The following ASTN2 variants were observed in gnomAD, a reference collection of about 807,000 sequenced individuals.
The protein encoded by ASTN2 is astrotactin-2.
In ASTN2, 54 loss-of-function variants were observed where a neutral mutation model predicts 139.8. The observed-to-expected ratio is 0.39, with a 90% CI of 0.31 to 0.48. The LOEUF (loss-of-function observed/expected upper bound fraction) is 0.48. ASTN2 is among the 20% of genes least tolerant of loss of function. The probability of loss-of-function intolerance (pLI) is 0.95; values close to 1 mark genes in which losing one functional copy is unlikely to be tolerated. For synonymous variants in ASTN2, 756 were observed against 719.5 expected (o/e 1.05, Z -0.81); for missense variants, 1,565 against 1,725.1 (o/e 0.91, Z 1.64).
intron 3 of ASTN2, among the ~76,000 whole-genome samples, chr9:117,198,439 T>G (rs759362590): frequency 6.6e-6 from 1 of 151,526 alleles, no homozygotes; most frequent in African/African-American, 2.4e-5. Flanking sequence ...TACTTTAAGT[T>G]CTGGGATACA....
At chr9:117,299,705 T>C (rs1465437730) in intron 1 of ASTN2, among the ~76,000 whole-genome samples, 1 of 152,174 alleles carries the variant, frequency 6.6e-6, no homozygotes, top group Non-Finnish European at 1.5e-5. Flanking sequence ...TTGGGGCTCC[T>C]TTATGCAATC....
At chr9:116,534,632 C>G (rs1239002881) in intron 19 of ASTN2, among the ~76,000 whole-genome samples, 1 of 152,196 alleles carries the variant, frequency 6.6e-6, no homozygotes, top group African/African-American at 2.4e-5. Context: ...AGTAGTCATT[C>G]AGGAACAGGT....
At chr9:116,888,640 A>G (rs1833679066) in intron 10 of ASTN2, among the ~76,000 whole-genome samples, 1 of 152,024 alleles carries the variant, frequency 6.6e-6, no homozygotes, top group Non-Finnish European at 1.5e-5. Context: ...CTCATGCCTC[A>G]GCCTTCTGAG....
chr9:117,064,797 C>G (rs932170795), intron 5 of ASTN2, among the ~76,000 whole-genome samples: 1 of 125,714 alleles, frequency 8.0e-6, no homozygotes, highest in Admixed American at 7.7e-5. Flanking sequence ...GATCTATATA[C>G]TTAAAAAAAA....
At chr9:117,290,671 C>G (rs1834566539) in intron 2 of ASTN2, among the ~76,000 whole-genome samples, 2 of 152,190 alleles carry the variant, frequency 1.3e-5, no homozygotes, top group South Asian at 4.1e-4. Flanking sequence ...ACAGGGTGTA[C>G]AGGACATAGT....
chr9:116,427,341 C>G (rs1847341257), intron 22 of ASTN2, among the ~76,000 whole-genome samples: 1 of 152,206 alleles, frequency 6.6e-6, no homozygotes, highest in Non-Finnish European at 1.5e-5. Context: ...GGGGCAAAAT[C>G]ACCCAAGTTG....
intron 19 of ASTN2, among the ~76,000 whole-genome samples, chr9:116,553,051 C>G (rs937786167): frequency 6.6e-6 from 1 of 152,098 alleles, no homozygotes; most frequent in Non-Finnish European, 1.5e-5. Context: ...TGAAGGCTTC[C>G]CCTGGCTGCA....
intron 1 of ASTN2, among the ~76,000 whole-genome samples, chr9:117,365,184 A>T (rs1441323477): frequency 6.6e-6 from 1 of 151,488 alleles, no homozygotes; most frequent in Non-Finnish European, 1.5e-5. Flanking sequence ...AAAACAACAA[A>T]AAAAAGAAAA....
intron 19 of ASTN2, among the ~76,000 whole-genome samples, chr9:116,499,710 T>C (rs1428684384): frequency 6.6e-6 from 1 of 152,068 alleles, no homozygotes; most frequent in African/African-American, 2.4e-5. Flanking sequence ...AGAAAGCCCA[T>C]GGGGTGGAAG....
At chr9:117,092,991 C>T (rs534886812) in intron 5 of ASTN2, among the ~76,000 whole-genome samples, 27 of 152,206 alleles carry the variant, frequency 1.8e-4, no homozygotes, top group African/African-American at 6.5e-4. Flanking sequence ...TGGCACTGGA[C>T]ATGGGGGAGG....
chr9:117,192,710 C>T (rs1334634470), intron 3 of ASTN2, among the ~76,000 whole-genome samples: 1 of 152,108 alleles, frequency 6.6e-6, no homozygotes, highest in East Asian at 1.9e-4. Context: ...AAATAATATT[C>T]AGGATGTCAC....
chr9:116,725,759 C>T lies in ASTN2; in HGVS notation c.2806+12G>A. On this transcript the variant is annotated intron_variant, in intron 16 of 22. Transcript: ENST00000313400. The stretch of plus-strand genomic sequence containing the variant: ...GCCTGGCCACCTCCTACAGTAGGCA[C>T]TCCGGGCTTACCTTTCTGATACTGG... 1 of 1,610,906 alleles carries T rather than the reference C, an allele frequency of 6.2e-7. No homozygotes were observed. Among genetic ancestry groups the T allele is most frequent in the Non-Finnish European group, 8.5e-7 (1 of 1,179,028 alleles).
chr9:116,930,803 C>A (rs1384062600), intron 10 of ASTN2, among the ~76,000 whole-genome samples: 1 of 152,138 alleles, frequency 6.6e-6, no homozygotes, highest in Non-Finnish European at 1.5e-5. Flanking sequence ...GGGAATCATC[C>A]TTGACCTTTA....
intron 10 of ASTN2, among the ~76,000 whole-genome samples, chr9:116,946,956 C>CAAA (rs1835417302): frequency 9.2e-6 from 1 of 108,166 alleles, no homozygotes; most frequent in Non-Finnish European, 1.9e-5. Context: ...AAAAAACAAC[C>CAAA]CAGATTGTCT....
intron 20 of ASTN2, among the ~76,000 whole-genome samples, chr9:116,446,290 G>T (rs1420314590): frequency 3.3e-5 from 5 of 151,132 alleles, no homozygotes; most frequent in Admixed American, 1.3e-4. Flanking sequence ...GAGAGAGAGA[G>T]AGAGAGAGAG....
At chr9:116,555,315 C>G (rs547815988) in intron 19 of ASTN2, among the ~76,000 whole-genome samples, 1 of 152,236 alleles carries the variant, frequency 6.6e-6, no homozygotes, top group East Asian at 1.9e-4. Flanking sequence ...AGAGACAAGG[C>G]CAGCTGCACA....
At chr9:116,857,676 GT>G (rs1177382286) in intron 11 of ASTN2, among the ~76,000 whole-genome samples, 2 of 152,130 alleles carry the variant, frequency 1.3e-5, no homozygotes, top group Non-Finnish European at 2.9e-5. Flanking sequence ...CTAGGCCTTT[GT>G]TTTTCTGTTT....
intron 10 of ASTN2, among the ~76,000 whole-genome samples, chr9:116,934,764 T>C (rs1835017759): frequency 6.6e-6 from 1 of 152,112 alleles, no homozygotes; most frequent in South Asian, 2.1e-4. Context: ...GAACTTAATA[T>C]AAAAGTTAAA....
intron 2 of ASTN2, among the ~76,000 whole-genome samples, chr9:117,255,086 T>A (rs1286142539): frequency 6.6e-6 from 1 of 152,100 alleles, no homozygotes; most frequent in Non-Finnish European, 1.5e-5. Flanking sequence ...GTGTTGGGGG[T>A]CCAGAACCAA....
Sources: allele counts gnomAD v4.1 joint callset (sites outside exome capture counted in the v4.1 genomes callset), GRCh38; gene constraint gnomAD v4.1.1; transcripts MANE v1.5; gene names NCBI Gene and HGNC (gene_info 2026-07-23, HGNC 2026-07-21).